Variants in SLC24A2 observed in about 807,000 individuals in gnomAD.
The protein encoded by SLC24A2 is sodium/potassium/calcium exchanger 2.
A neutral mutation model predicts 62.0 loss-of-function variants in SLC24A2; 36 were observed. The ratio of observed to expected loss-of-function variants is 0.58; its 90% confidence interval spans 0.44 to 0.77. The LOEUF is 0.77. SLC24A2 is among the 30% of genes least tolerant of loss of function. The pLI, the probability that SLC24A2 is intolerant of heterozygous loss-of-function variation, is 0.00. For missense variants in SLC24A2, 846 were observed against 817.9 expected (o/e 1.03, Z -0.42); for synonymous variants, 358 against 294.0 (o/e 1.22, Z -2.23).
At chr9:19,767,226 G>A (rs550149306) in intron 2 of SLC24A2, among the ~76,000 whole-genome samples, 1 of 152,310 alleles carries the variant, frequency 6.6e-6, no homozygotes, top group South Asian at 2.1e-4. Flanking sequence ...TTAGCTTGCT[G>A]GGTTCCATGG....
the SLC24A2 span, among the ~76,000 whole-genome samples, chr9:20,058,719 T>C: frequency 1.3e-5 from 2 of 152,230 alleles, no homozygotes; most frequent in South Asian, 2.1e-4. Flanking sequence ...TGAACTACGA[T>C]TGAGTCACTA....
the SLC24A2 span, among the ~76,000 whole-genome samples, chr9:19,936,480 C>T: frequency 5.9e-5 from 9 of 152,074 alleles, no homozygotes; most frequent in Non-Finnish European, 1.3e-4. Flanking sequence ...CATCATGTTG[C>T]CCAGGCTGTT....
the SLC24A2 span, among the ~76,000 whole-genome samples, chr9:20,088,173 G>C: frequency 6.6e-6 from 1 of 152,376 alleles, no homozygotes; most frequent in African/African-American, 2.4e-5. Flanking sequence ...GAAAGGGGCT[G>C]AATCCAGGGG....
At chr9:19,947,474 A>C in the SLC24A2 span, among the ~76,000 whole-genome samples, 3,086 of 151,892 alleles carry the variant, frequency 0.02, 95 homozygotes, top group African/African-American at 0.071. Context: ...GGAAGGCAGG[A>C]AGGAAGGAAA....
chr9:20,270,194 T>G, the SLC24A2 span, among the ~76,000 whole-genome samples: 1 of 152,136 alleles, frequency 6.6e-6, no homozygotes, highest in African/African-American at 2.4e-5. Context: ...TCCAACCCCA[T>G]GACCCAAACA....
intron 9 of SLC24A2, among the ~76,000 whole-genome samples, chr9:19,524,966 G>C (rs893677723): frequency 6.6e-6 from 1 of 152,146 alleles, no homozygotes; most frequent in Non-Finnish European, 1.5e-5. Flanking sequence ...AGAAATAGAA[G>C]ATGATTATTA....
chr9:19,970,907 T>C, the SLC24A2 span, among the ~76,000 whole-genome samples: 26 of 152,130 alleles, frequency 1.7e-4, no homozygotes, highest in Non-Finnish European at 1.0e-4. Flanking sequence ...TGGACAGAAA[T>C]ATAAGATAAT....
At chr9:19,974,829 G>A in the SLC24A2 span, among the ~76,000 whole-genome samples, 1 of 152,146 alleles carries the variant, frequency 6.6e-6, no homozygotes, top group Admixed American at 6.5e-5. Context: ...CCAACAATAT[G>A]CAAAGGCTGC....
At chr9:20,270,045 G>A in the SLC24A2 span, among the ~76,000 whole-genome samples, 1 of 152,190 alleles carries the variant, frequency 6.6e-6, no homozygotes, top group Non-Finnish European at 1.5e-5. Context: ...TGTGAAGAGG[G>A]AAGACTGGAG....
chr9:19,947,827 A>T, the SLC24A2 span, among the ~76,000 whole-genome samples: 1 of 149,720 alleles, frequency 6.7e-6, no homozygotes, highest in Non-Finnish European at 1.5e-5. Context: ...AAAGAAAGAA[A>T]GAAAGAAAGA....
At chr9:19,975,104 A>T in the SLC24A2 span, among the ~76,000 whole-genome samples, 1 of 152,196 alleles carries the variant, frequency 6.6e-6, no homozygotes, top group African/African-American at 2.4e-5. Flanking sequence ...AATCTCAGCC[A>T]AGTGGAAACA....
intron 7 of SLC24A2, among the ~76,000 whole-genome samples, chr9:19,554,316 A>G (rs989890939): frequency 8.5e-5 from 13 of 152,220 alleles, no homozygotes; most frequent in African/African-American, 2.9e-4. Flanking sequence ...ACAAATAAAA[A>G]GCAATACAGT....
rs200792136 is a variant in SLC24A2, at chr9:19,636,279, T to TTCTCTTCTTC, written c.931-13981_931-13980insGAAGAAGAGA. ...CCTTTTCTTTTCTTCTCTTCTTCTC[T>TTCTCTTCTTC]TCTTCTCTTCTTTTCTTTTCTTTTC... On this transcript the variant is annotated intron_variant, in intron 2 of 10. Transcript: ENST00000341998. Among the ~76,000 whole-genome samples the TTCTCTTCTTC allele has an allele frequency of 8.4e-4, 46 of 54,858 alleles. 2 individuals carry two copies. The Admixed American group carries it at 8.5e-3, about 10-fold the overall frequency. 36.0% of individuals were successfully genotyped at this position (54,858 alleles called of 152,430 possible).
intron 7 of SLC24A2, among the ~76,000 whole-genome samples, chr9:19,562,158 G>A (rs537283193): frequency 8.5e-5 from 13 of 152,238 alleles, no homozygotes; most frequent in African/African-American, 3.1e-4. Context: ...ATTGGTTTTT[G>A]TTGTTTTCAT....
the SLC24A2 span, among the ~76,000 whole-genome samples, chr9:20,095,557 C>T: frequency 6.6e-6 from 1 of 152,114 alleles, no homozygotes; most frequent in African/African-American, 2.4e-5. Context: ...TGGGACATTG[C>T]CTTTTTTTTC....
chr9:20,223,237 A>T, the SLC24A2 span, among the ~76,000 whole-genome samples: 2 of 152,200 alleles, frequency 1.3e-5, no homozygotes, highest in African/African-American at 2.4e-5. Context: ...GCATTGAAGT[A>T]CATAGAAAAA....
the SLC24A2 span, among the ~76,000 whole-genome samples, chr9:20,281,760 C>T: frequency 6.6e-6 from 1 of 152,108 alleles, no homozygotes; most frequent in Non-Finnish European, 1.5e-5. Context: ...TTAGCTATTA[C>T]AAATAGTGCT....
At chr9:19,793,293 G>A (rs1325768046), upstream of SLC24A2, among the ~76,000 whole-genome samples, 1 of 152,182 alleles carries the variant, frequency 6.6e-6, no homozygotes, top group Non-Finnish European at 1.5e-5. Context: ...ACCCCAAGCT[G>A]GTCACTATCT....
At chr9:20,223,371 T>C in the SLC24A2 span, among the ~76,000 whole-genome samples, 1 of 152,122 alleles carries the variant, frequency 6.6e-6, no homozygotes, top group Non-Finnish European at 1.5e-5. Context: ...ACACCTCTAA[T>C]CTCAACACTT....
Sources: allele counts gnomAD v4.1 joint callset (sites outside exome capture counted in the v4.1 genomes callset), GRCh38; gene constraint gnomAD v4.1.1; transcripts MANE v1.5; gene names NCBI Gene and HGNC (gene_info 2026-07-23, HGNC 2026-07-21).